CCDC7: variants seen among roughly 807,000 people sequenced by gnomAD.
The protein encoded by CCDC7 is coiled-coil domain-containing protein 7.
Under a neutral mutation model 196.9 loss-of-function variants are expected in CCDC7, and 183 were observed. The ratio of observed to expected loss-of-function variants is 0.93; its 90% CI spans 0.82 to 1.05. CCDC7 has a LOEUF of 1.05. Ranked by LOEUF, CCDC7 falls within the 50% of genes least tolerant of loss-of-function variation. The probability of loss-of-function intolerance (pLI) is 0.00; values close to 1 mark genes in which losing one functional copy is unlikely to be tolerated. For missense variants in CCDC7, 1,540 were observed against 1,482.2 expected (o/e 1.04, Z -0.64); for synonymous variants, 525 against 484.6 (o/e 1.08, Z -1.10).
intron 29 of CCDC7, among the ~76,000 whole-genome samples, chr10:32,796,814 T>C (rs2083635089): frequency 6.6e-6 from 1 of 152,198 alleles, no homozygotes; most frequent in Non-Finnish European, 1.5e-5. Context: ...CAATAATGGA[T>C]GACCCAAATT....
rs1393771969 is a variant in CCDC7 at position 32,511,261 on chromosome 10, CGGGGGGGGCG to C, written c.873-6680_873-6671del. ...TGCCACAGAATTATTCTGTGGGGGG[CGGGGGGGGCG>C]GGGAAATGTACTTTTTGAATATGTG... is the stretch of plus-strand genomic sequence containing the variant. On this transcript the variant is annotated intron_variant, in intron 9 of 41. Transcript: ENST00000639629. 20 of 383,212 alleles carry C rather than the reference CGGGGGGGGCG, an allele frequency of 5.2e-5. 3 individuals are homozygous for C. Among genetic ancestry groups the C allele is most frequent in the Admixed American group, 3.3e-4 (6 of 18,236 alleles). The allele number at this position is 383,212 out of a possible 1,614,324, so 23.7% of individuals were successfully genotyped here. A position where few individuals can be genotyped will look rare whatever the true frequency, so the allele number is the denominator to read the frequency against.
intron 32 of CCDC7, among the ~76,000 whole-genome samples, chr10:32,830,117 TAAGG>T (rs1313490355): frequency 1.3e-5 from 1 of 75,560 alleles, no homozygotes; most frequent in Non-Finnish European, 3.1e-5. Flanking sequence ...CTTATATATA[TAAGG>T]ATATATATAT....
chr10:32,480,064 C>A (rs2039690151), intron 8 of CCDC7, among the ~76,000 whole-genome samples: 1 of 151,760 alleles, frequency 6.6e-6, no homozygotes, highest in Admixed American at 6.6e-5. Flanking sequence ...TCTTTCTTTT[C>A]CAATGTTACT....
At chr10:32,699,285 T>C (rs2078246338) in intron 24 of CCDC7, among the ~76,000 whole-genome samples, 1 of 146,184 alleles carries the variant, frequency 6.8e-6, no homozygotes, top group Non-Finnish European at 1.5e-5. Context: ...TTCCCACCTA[T>C]GAGTGAGAAC....
intron 28 of CCDC7, among the ~76,000 whole-genome samples, chr10:32,749,917 A>G (rs989023909): frequency 5.3e-5 from 8 of 152,174 alleles, no homozygotes; most frequent in African/African-American, 1.9e-4. Flanking sequence ...TCTTCAGTGT[A>G]TCTCTCACAA....
At chr10:32,828,004 TACCTGTGAG>T (rs2091406847) in intron 32 of CCDC7, among the ~76,000 whole-genome samples, 1 of 152,164 alleles carries the variant, frequency 6.6e-6, no homozygotes, top group South Asian at 2.1e-4. Context: ...TAAAGGCTGC[TACCTGTGAG>T]GCTTCATCTA....
intron 28 of CCDC7, among the ~76,000 whole-genome samples, chr10:32,763,948 AAG>A (rs1292272246): frequency 6.6e-6 from 1 of 151,866 alleles, no homozygotes; most frequent in Admixed American, 6.6e-5. Context: ...GAAAATTGCT[AAG>A]AGAGTAGACT....
chr10:32,506,574 G>A (rs1476416745), intron 9 of CCDC7, among the ~76,000 whole-genome samples: 1 of 152,194 alleles, frequency 6.6e-6, no homozygotes, highest in African/African-American at 2.4e-5. Context: ...ATTGAGCATT[G>A]AGTGAGTGAG....
At chr10:32,869,065 A>G (rs371411156) in intron 41 of CCDC7, among the ~76,000 whole-genome samples, 1 of 152,108 alleles carries the variant, frequency 6.6e-6, no homozygotes, top group Non-Finnish European at 1.5e-5. Flanking sequence ...ATGATTTATA[A>G]TCCTTTGGGT....
At chr10:32,471,269 A>C in intron 6 of CCDC7, 39 bp downstream of exon 7, 1 of 1,590,502 alleles carries the variant, frequency 6.3e-7, no homozygotes, top group Non-Finnish European at 8.5e-7. Flanking sequence ...TAAAAACAGT[A>C]AGAAAGGGTA....
At chr10:32,807,667 T>C (rs995909740) in intron 30 of CCDC7, among the ~76,000 whole-genome samples, 1 of 151,862 alleles carries the variant, frequency 6.6e-6, no homozygotes, top group African/African-American at 2.4e-5. Flanking sequence ...GAAGTCAACA[T>C]TCCCACCATA....
intron 29 of CCDC7, among the ~76,000 whole-genome samples, chr10:32,799,361 G>A (rs1307902237): frequency 6.6e-6 from 1 of 152,098 alleles, no homozygotes; most frequent in Non-Finnish European, 1.5e-5. Flanking sequence ...CGCACCATTG[G>A]GTATGCTGGG....
chr10:32,682,679 G>C (rs2076002291), intron 21 of CCDC7, among the ~76,000 whole-genome samples: 1 of 152,046 alleles, frequency 6.6e-6, no homozygotes, highest in South Asian at 2.1e-4. Flanking sequence ...CTTTTTAGTA[G>C]TAGCCATTCT....
intron 13 of CCDC7, among the ~76,000 whole-genome samples, chr10:32,563,425 C>G (rs556916884): frequency 9.1e-4 from 138 of 152,184 alleles, no homozygotes; most frequent in Non-Finnish European, 9.4e-4. Context: ...GTAACCAAAA[C>G]AGCATGGTAC....
intron 11 of CCDC7, among the ~76,000 whole-genome samples, chr10:32,534,920 A>G (rs145321029): frequency 3.4e-4 from 51 of 152,088 alleles, no homozygotes; most frequent in African/African-American, 1.2e-3. Context: ...TAAAGCAAGT[A>G]CAGGTCTCCT....
At chr10:32,549,823 G>T (rs2053167926) in intron 13 of CCDC7, among the ~76,000 whole-genome samples, 1 of 152,146 alleles carries the variant, frequency 6.6e-6, no homozygotes, top group Admixed American at 6.5e-5. Flanking sequence ...TGGCCTTATA[G>T]TATAGTTTGA....
chr10:32,494,756 T>TG (rs142701953), intron 9 of CCDC7, among the ~76,000 whole-genome samples: 52,341 of 152,054 alleles, frequency 0.34, 11,423 homozygotes, highest in Non-Finnish European at 0.5. Flanking sequence ...TAGTATTCCA[T>TG]GGTGTATATG....
chr10:32,573,797 G>A (rs1285647850), intron 16 of CCDC7, among the ~76,000 whole-genome samples: 1 of 152,080 alleles, frequency 6.6e-6, no homozygotes, highest in African/African-American at 2.4e-5. Flanking sequence ...TTTCAATTCA[G>A]TTTAGCTCTA....
At chr10:32,824,520 A>G (rs35739764) in exon 32 of CCDC7, 16,283 of 1,599,832 alleles carry the variant, frequency 0.01, 120 homozygotes, top group Middle Eastern at 0.034. Flanking sequence ...TTTTATAGAG[A>G]CTGATGAACG....
Sources: gnomAD v4.1 joint callset for allele counts (sites outside exome capture counted in the v4.1 genomes callset) on GRCh38, gnomAD v4.1.1 for gene constraint, MANE v1.5 for transcripts, NCBI Gene and HGNC (gene_info 2026-07-23, HGNC 2026-07-21) for gene names.